RTL4: variants seen among roughly 807,000 people sequenced by gnomAD.
RTL4 encodes retrotransposon Gag like 4, also known as retrotransposon Gag-like protein 4.
Under a neutral mutation model 5.3 loss-of-function variants are expected in RTL4, and 4 were observed. The observed-to-expected ratio is 0.75, with a 90% CI of 0.37 to 1.72. The LOEUF (loss-of-function observed/expected upper bound fraction) is 1.72. RTL4 is among the 40% of genes most tolerant of loss of function. The probability of loss-of-function intolerance (pLI) is 0.04; values close to 1 mark genes in which losing one functional copy is unlikely to be tolerated. For synonymous variants in RTL4, 98 were observed against 87.3 expected, an observed-to-expected ratio of 1.12 and a Z score of -0.68; for missense variants, 260 against 227.1, an observed-to-expected ratio of 1.14 and a Z score of -0.93.
chrX:112,312,895 C>T, the RTL4 span, among the ~76,000 whole-genome samples: 10 of 110,737 alleles, frequency 9.0e-5, no homozygotes, highest in Admixed American at 2.0e-4. Context: ...TTTCCTTATA[C>T]TAGCTCTTTA....
the RTL4 span, among the ~76,000 whole-genome samples, chrX:112,150,977 A>G: frequency 1.8e-5 from 2 of 112,425 alleles, no homozygotes; most frequent in Non-Finnish European, 3.8e-5. Context: ...TTGTAGAGGG[A>G]GATCAGGCAG....
chrX:112,183,574 A>T, the RTL4 span, among the ~76,000 whole-genome samples: 7 of 112,369 alleles, frequency 6.2e-5, no homozygotes, highest in African/African-American at 2.3e-4. Context: ...GAAGGGCATT[A>T]CATAATCGTA....
At chrX:112,413,364 A>C in the RTL4 span, among the ~76,000 whole-genome samples, 1 of 111,615 alleles carries the variant, frequency 9.0e-6, no homozygotes, top group South Asian at 3.8e-4. Context: ...ATATACCCCC[A>C]AAAAGGAAAT....
At chrX:112,186,772 T>G in the RTL4 span, among the ~76,000 whole-genome samples, 1 of 112,013 alleles carries the variant, frequency 8.9e-6, no homozygotes, top group South Asian at 3.7e-4. Flanking sequence ...TGGGGTAGTC[T>G]CCAACAGAAG....
At chrX:112,285,339 T>C in the RTL4 span, among the ~76,000 whole-genome samples, 1 of 112,141 alleles carries the variant, frequency 8.9e-6, no homozygotes, top group Non-Finnish European at 1.9e-5. Context: ...AACAGTTGTA[T>C]TAATAGATTT....
At chrX:112,255,207 A>G in the RTL4 span, among the ~76,000 whole-genome samples, 18 of 112,243 alleles carry the variant, frequency 1.6e-4, no homozygotes, top group Admixed American at 3.8e-4. Flanking sequence ...TGGCTGCAGA[A>G]CAGTTCCAAA....
the RTL4 span, among the ~76,000 whole-genome samples, chrX:112,309,201 T>G: frequency 9.0e-6 from 1 of 111,507 alleles, no homozygotes; most frequent in East Asian, 2.8e-4. Flanking sequence ...AAGGTTAAGG[T>G]GCTGGCCAAT....
At chrX:112,104,582 T>C in the RTL4 span, among the ~76,000 whole-genome samples, 1 of 112,188 alleles carries the variant, frequency 8.9e-6, no homozygotes, top group Non-Finnish European at 1.9e-5. Context: ...TTTTTGATAG[T>C]AGCCATTGTA....
chrX:112,379,248 G>A, the RTL4 span, among the ~76,000 whole-genome samples: 3 of 111,700 alleles, frequency 2.7e-5, no homozygotes, highest in South Asian at 1.1e-3. Context: ...TGAGAATGAA[G>A]TGCCGTCCTC....
chrX:112,306,082 T>C, the RTL4 span, among the ~76,000 whole-genome samples: 1 of 111,514 alleles, frequency 9.0e-6, no homozygotes, highest in Non-Finnish European at 1.9e-5. Flanking sequence ...CAAAACTTAT[T>C]GCTGGTTTTC....
the RTL4 span, among the ~76,000 whole-genome samples, chrX:112,243,419 C>A: frequency 9.0e-6 from 1 of 110,947 alleles, no homozygotes; most frequent in Non-Finnish European, 1.9e-5. Flanking sequence ...CCTGGTTTAG[C>A]CTTGGGAGGG....
the RTL4 span, among the ~76,000 whole-genome samples, chrX:112,226,951 TA>T: frequency 1.7e-5 from 1 of 57,322 alleles, no homozygotes; most frequent in Non-Finnish European, 2.9e-5. Context: ...AAAATAAAAA[TA>T]AAATAAAATA....
the RTL4 span, among the ~76,000 whole-genome samples, chrX:112,126,213 T>A: frequency 0.16 from 18,320 of 111,222 alleles, 2,291 homozygotes; most frequent in African/African-American, 0.43. Flanking sequence ...TGCAATTGAA[T>A]TTATCACCTG....
the RTL4 span, among the ~76,000 whole-genome samples, chrX:112,303,573 C>T: frequency 1.3e-5 from 1 of 75,942 alleles, no homozygotes; most frequent in African/African-American, 5.6e-5. Context: ...CACATGGACA[C>T]AGGAAGGGGA....
At chrX:112,143,171 A>G in the RTL4 span, among the ~76,000 whole-genome samples, 1 of 111,643 alleles carries the variant, frequency 9.0e-6, no homozygotes, top group Non-Finnish European at 1.9e-5. Context: ...CTGAATATTT[A>G]TATAGCAATA....
chrX:112,259,308 A>T, the RTL4 span, among the ~76,000 whole-genome samples: 2 of 111,420 alleles, frequency 1.8e-5, no homozygotes, highest in South Asian at 7.6e-4. Flanking sequence ...TTTAACATTT[A>T]AGCAAGTCCT....
chrX:112,336,579 A>G, the RTL4 span, among the ~76,000 whole-genome samples: 1 of 112,320 alleles, frequency 8.9e-6, no homozygotes, highest in South Asian at 3.6e-4. Flanking sequence ...CTAAAACCGT[A>G]CTGTGCAATA....
At chrX:112,409,790 A>G in the RTL4 span, among the ~76,000 whole-genome samples, 9 of 111,301 alleles carry the variant, frequency 8.1e-5, no homozygotes, top group South Asian at 3.4e-3. Flanking sequence ...CACTAAAAAG[A>G]AGACAGGAAA....
At chrX:112,189,890 TAAC>T in the RTL4 span, among the ~76,000 whole-genome samples, 15 of 111,709 alleles carry the variant, frequency 1.3e-4, no homozygotes, top group South Asian at 1.9e-3. Flanking sequence ...CTCACCCAAA[TAAC>T]AACAACAACA....
Sources: gnomAD v4.1 joint callset for allele counts (sites outside exome capture counted in the v4.1 genomes callset) on GRCh38, gnomAD v4.1.1 for gene constraint, MANE v1.5 for transcripts, NCBI Gene and HGNC (gene_info 2026-07-23, HGNC 2026-07-21) for gene names.